The following SOX8 variants were observed in gnomAD, a reference collection of about 807,000 sequenced individuals.
The protein encoded by SOX8 is SRY-box transcription factor 8.
A neutral mutation model predicts 22.9 loss-of-function variants in SOX8; 9 were observed. That is an observed-to-expected ratio of 0.39 (90% CI 0.24 to 0.69). The LOEUF is 0.69. SOX8 is among the 30% of genes least tolerant of loss of function. The pLI, the probability that SOX8 is intolerant of heterozygous loss-of-function variation, is 0.43. For missense variants in SOX8, 734 were observed against 699.4 expected, an observed-to-expected ratio of 1.05 and a Z score of -0.56; for synonymous variants, 416 against 330.6, an observed-to-expected ratio of 1.26 and a Z score of -2.80.
At chr16:983,355 T>TC (rs1407489868) in intron 1 of SOX8, 1 of 173,736 alleles carries the variant, frequency 5.8e-6, no homozygotes, top group African/African-American at 2.4e-5. Context: ...CCGGCACCGT[T>TC]CCCGGGAAGC....
intron 1 of SOX8, 91 bp from the exon 2 acceptor site, chr16:983,637 G>A (rs2151521399): frequency 3.2e-6 from 4 of 1,243,560 alleles, no homozygotes; most frequent in African/African-American, 3.0e-5. Flanking sequence ...TCCTGGCCCC[G>A]GCCTCTGCTG....
At position 986,831 on chromosome 16, in the gene SOX8, C is replaced by T. The variant is rs568175813; in HGVS notation, c.*1445C>T. On this transcript the variant is annotated 3_prime_UTR_variant, in exon 3 of 3. Transcript: ENST00000293894. ...GGTGGGGGTGGGGGCCGGGAGCCGT[C>T]GCAGACCCGTTTCATGCAGCGTCTC... The T allele has an allele frequency of 2.0e-5, 3 of 152,434 alleles. No homozygotes were observed. Among genetic ancestry groups the T allele is most frequent in the East Asian group, 1.9e-4 (1 of 5,184 alleles). The allele number at this position is 152,434 out of a possible 1,614,324, so 9.4% of individuals were successfully genotyped here.
chr16:981,858 A>T lies in SOX8; in HGVS notation c.-65A>T. 1 of 1,020,900 alleles carries T rather than the reference A, an allele frequency of 9.8e-7. No individual in the cohort carries two copies. Among genetic ancestry groups the T allele is most frequent in the Middle Eastern group, 4.2e-4 (1 of 2,394 alleles). The allele number at this position is 1,020,900 out of a possible 1,614,324, so 63.2% of individuals were successfully genotyped here. On this transcript the variant is annotated 5_prime_UTR_variant, in exon 1 of 3. Coordinates refer to ENST00000293894, the MANE Select transcript of SOX8 (RefSeq NM_014587.5). ...CGACCTCGGGTCCCGGAGCGACCGC[A>T]GGGCAGCCCCGGGCGCCGGCCCCGG...
In SOX8 at chr16:981,865, C is replaced by T. The variant is rs1366275520; in HGVS notation, c.-58C>T. Reference sequence around the variant, plus strand: ...GGGTCCCGGAGCGACCGCAGGGCAGCCCCGGGCGCCGGCCCCGGTGCGCGT... The same window carrying T: ...GGGTCCCGGAGCGACCGCAGGGCAGTCCCGGGCGCCGGCCCCGGTGCGCGT... On this transcript the variant is annotated 5_prime_UTR_variant, in exon 1 of 3. Transcript: ENST00000293894. 7.4e-6 allele frequency: 8 copies of T among 1,080,586 alleles called. No individual in the cohort carries two copies. The African/African-American group carries it at 1.0e-4, about 14-fold the overall frequency. The allele number at this position is 1,080,586 out of a possible 1,614,324, so 66.9% of individuals were successfully genotyped here.
chr16:982,585 C>T lies in SOX8; in HGVS notation c.422+241C>T, dbSNP rs375591760. ...GGAGGGCAGCGCCTGGGGTGTGCAC[C>T]CTCGTGGCGGGTGCGCTCTGGAGCC... is the stretch of plus-strand genomic sequence containing the variant. On this transcript the variant is annotated intron_variant, in intron 1 of 2. Coordinates refer to ENST00000293894, the MANE Select transcript of SOX8 (RefSeq NM_014587.5). The T allele has an allele frequency of 3.4e-4, 137 of 402,294 alleles. 2 individuals carry two copies. The East Asian group carries it at 4.5e-3, about 13-fold the overall frequency. The allele number at this position is 402,294 out of a possible 1,614,324, so 24.9% of individuals were successfully genotyped here. A position where few individuals can be genotyped will look rare whatever the true frequency, so the allele number is the denominator to read the frequency against.
In SOX8 at chr16:983,899, C is replaced by T. The variant is rs368399655; in HGVS notation, c.594C>T (p.Gly198=). 239 of 1,602,720 alleles carry T rather than the reference C, an allele frequency of 1.5e-4. No individual in the cohort carries two copies. The highest frequency in any genetic ancestry group is 2.0e-4 in the Non-Finnish European group (232 of 1,174,912). Residue 198 remains glycine (G), a synonymous_variant, in exon 2 of 3, where the codon GGC becomes GGT. Coordinates refer to ENST00000293894, the MANE Select transcript of SOX8 (RefSeq NM_014587.5). ...SGAELGPHPG[G]GAVYKAEAGL... is the part of the protein sequence containing the mutation. ...CGGAGCTGGGACCCCACCCTGGCGGCGGTGCCGTGTACAAGGCTGAAGCAG... is the reference window on the plus strand; with the variant it reads ...CGGAGCTGGGACCCCACCCTGGCGGTGGTGCCGTGTACAAGGCTGAAGCAG...
chr16:982,267 G>C lies in SOX8; in HGVS notation c.345G>C (p.Ala115=). 6.6e-7 allele frequency: 1 copy of C among 1,525,732 alleles called. No homozygotes were observed. Among genetic ancestry groups the C allele is most frequent in the Non-Finnish European group, 8.8e-7 (1 of 1,138,574 alleles). 94.5% of individuals were successfully genotyped at this position (1,525,732 alleles called of 1,614,324 possible). A position where few individuals can be genotyped will look rare whatever the true frequency, so the allele number is the denominator to read the frequency against. The change falls in exon 1 of 3, where the codon GCG becomes GCC. Residue 115 remains alanine, a synonymous_variant. Coordinates refer to ENST00000293894, the MANE Select transcript of SOX8 (RefSeq NM_014587.5). The stretch of plus-strand genomic sequence containing the variant: ...ACGCATTCATGGTGTGGGCGCAGGC[G>C]GCGCGCCGCAAGCTGGCCGACCAGT... ...PMNAFMVWAQ[A]ARRKLADQYP... is the part of the protein sequence containing the mutation.
In SOX8 at chr16:985,107, C is replaced by G. The variant is rs762564647; in HGVS notation, c.1062C>G (p.Gly354=). 2.4e-5 allele frequency: 39 copies of G among 1,593,954 alleles called. No homozygotes were observed. Among genetic ancestry groups the G allele is most frequent in the African/African-American group, 2.3e-4 (17 of 74,646 alleles). The change falls in exon 3 of 3, where the codon GGC becomes GGG. Residue 354 remains glycine (G), a synonymous_variant. Coordinates refer to ENST00000293894, the MANE Select transcript of SOX8 (RefSeq NM_014587.5). ...SPGHYGDQPR[G]SPDYGSCSGQ... ...GCCACTACGGCGACCAGCCCCGAGG[C>G]TCGCCCGACTACGGTTCCTGCAGCG...
At position 981,931 on chromosome 16, in the gene SOX8, C is replaced by A; in HGVS notation, c.9C>A (p.Asp3Glu). 2 of 1,370,746 alleles carry A rather than the reference C, an allele frequency of 1.5e-6. No individual in the cohort carries two copies. Among genetic ancestry groups the A allele is most frequent in the South Asian group, 1.5e-5 (1 of 64,862 alleles). 84.9% of individuals were successfully genotyped at this position (1,370,746 alleles called of 1,614,324 possible). ...CTCCGCGCGCGGCCCCGATGCTGGACATGAGCGAGGCCCGCTCCCAGCCGC... is the reference window on the plus strand; with the variant it reads ...CTCCGCGCGCGGCCCCGATGCTGGAAATGAGCGAGGCCCGCTCCCAGCCGC... MLDMSEARSQPPC... is the reference protein window; with the variant it reads MLEMSEARSQPPC... The change falls in exon 1 of 3, where the codon GAC becomes GAA. Residue 3 changes from aspartate (D) to glutamate (E), a missense_variant. This residue lies in a region of SOX8 where 139 missense variants were observed against 109.1 expected (regional missense o/e 1.27). Transcript: ENST00000293894.
chr16:985,032 C>G lies in SOX8; in HGVS notation c.987C>G (p.Thr329=). Residue 329 remains threonine (T), a synonymous_variant, in exon 3 of 3, where the codon ACC becomes ACG. Coordinates refer to ENST00000293894, the MANE Select transcript of SOX8 (RefSeq NM_014587.5). ...KSAPSASASP[T]ETGPPRPHIK... ...CCCCGTCGGCCTCCGCGTCGCCCAC[C>G]GAGACGGGTCCCCCACGGCCGCACA... 6.3e-7 allele frequency: 1 copy of G among 1,575,276 alleles called. No homozygotes were observed. Among genetic ancestry groups the G allele is most frequent in the South Asian group, 1.1e-5 (1 of 88,386 alleles).
In SOX8 at chr16:986,338, TG is replaced by T. The variant is rs1040994859; in HGVS notation, c.*956del. 6.6e-6 allele frequency: 1 copy of T among 152,306 alleles called. No individual in the cohort carries two copies. The highest frequency in any genetic ancestry group is 2.4e-5 in the African/African-American group (1 of 41,468). 9.4% of individuals were successfully genotyped at this position (152,306 alleles called of 1,614,324 possible). A position where few individuals can be genotyped will look rare whatever the true frequency, so the allele number is the denominator to read the frequency against. ...TGCCTTGTGACATCTCTGATCAGGT[TG>T]GGGTGCCCCAGCACCCAGTACCAGT... On this transcript the variant is annotated 3_prime_UTR_variant, in exon 3 of 3. Transcript: ENST00000293894.
chr16:984,023 G>A, intron 2 of SOX8, 63 bp downstream of exon 2: 1 of 1,352,522 alleles, frequency 7.4e-7, no homozygotes. Context: ...TGGGGTTTCT[G>A]GCTGAGAAGG....
chr16:984,652 GC>G, intron 2 of SOX8, 48 bp from the exon 3 acceptor site: 1 of 1,109,584 alleles, frequency 9.0e-7, no homozygotes, highest in Non-Finnish European at 1.2e-6. Flanking sequence ...GGCCCCACCC[GC>G]CCCACAGAAG....
In SOX8 at chr16:982,357, GC is replaced by G; in HGVS notation, c.422+17del. On this transcript the variant is annotated intron_variant, in intron 1 of 2. Transcript: ENST00000293894. ...GCAAGCTGTGGCGGTGAGTGCCGGCGCCCCGGGGGCGGGGTTCGGGACCTTG... is the reference window on the plus strand; with the variant it reads ...GCAAGCTGTGGCGGTGAGTGCCGGCGCCCGGGGGCGGGGTTCGGGACCTTG... 1 of 1,342,206 alleles carries G rather than the reference GC, an allele frequency of 7.5e-7. No homozygotes were observed. The highest frequency in any genetic ancestry group is 9.6e-7 in the Non-Finnish European group (1 of 1,042,418). The allele number at this position is 1,342,206 out of a possible 1,614,324, so 83.1% of individuals were successfully genotyped here. A position where few individuals can be genotyped will look rare whatever the true frequency, so the allele number is the denominator to read the frequency against.
At position 984,870 on chromosome 16, in the gene SOX8, C is replaced by T. The variant is rs763290335; in HGVS notation, c.825C>T (p.Gly275=). ...CGGAGCTCAGCAGCGAGGTCATGGG[C>T]ACCATGGACGCCTTCGACGTCCACG... is the stretch of plus-strand genomic sequence containing the variant. ...DISELSSEVM[G]TMDAFDVHEF... Residue 275 remains glycine, a synonymous_variant, in exon 3 of 3, where the codon GGC becomes GGT. Transcript: ENST00000293894. The T allele has an allele frequency of 1.5e-5, 24 of 1,611,924 alleles. No homozygotes were observed. Among genetic ancestry groups the T allele is most frequent in the Admixed American group, 1.0e-4 (6 of 59,968 alleles).
rs201359112 is a variant in SOX8 at position 984,833 on chromosome 16, A to T, written c.788A>T (p.Asn263Ile). 2.1e-4 allele frequency: 332 copies of T among 1,612,084 alleles called. 1 individual carries two copies. The highest frequency in any genetic ancestry group is 2.7e-4 in the Non-Finnish European group (318 of 1,179,582). ...GGGCGCCAGAACATCGACTTCAGCA[A>T]CGTGGACATCTCGGAGCTCAGCAGC... Reference protein sequence around the residue: ...DSGRQNIDFSNVDISELSSEV... With the variant: ...DSGRQNIDFSIVDISELSSEV... Residue 263 changes from asparagine to isoleucine, a missense_variant, in exon 3 of 3, where the codon AAC becomes ATC. Transcript: ENST00000293894.
Position 985,274 on chromosome 16 carries a change from C to T in SOX8, c.1229C>T (p.Ser410Leu), listed in dbSNP as rs1246443710. Residue 410 changes from serine to leucine, a missense_variant, in exon 3 of 3, where the codon TCG (serine) becomes TTG (leucine). Ser to Leu is a moderately radical substitution (Grantham distance 145). Around this residue, in one of 3 missense-constraint regions of SOX8, gnomAD observed 588 missense variants for 568.2 expected, o/e 1.03. Coordinates refer to ENST00000293894, the MANE Select transcript of SOX8 (RefSeq NM_014587.5). ...PGLYQYPCFH[S>L]PRRPYASPLL... The stretch of plus-strand genomic sequence containing the variant: ...CTCTACCAGTACCCCTGCTTCCACT[C>T]GCCGCGCCGGCCCTACGCCTCACCC... 2.1e-5 allele frequency: 34 copies of T among 1,611,594 alleles called. No homozygotes were observed. Among genetic ancestry groups the T allele is most frequent in the Non-Finnish European group, 2.5e-5 (30 of 1,179,602 alleles).
Position 984,987 on chromosome 16 carries a change from C to T in SOX8, c.942C>T (p.Pro314=), listed in dbSNP as rs376617151. The T allele has an allele frequency of 1.2e-5, 19 of 1,585,696 alleles. No individual in the cohort carries two copies. Among genetic ancestry groups the T allele is most frequent in the Middle Eastern group, 1.7e-4 (1 of 5,776 alleles). The change falls in exon 3 of 3, where the codon CCC becomes CCT. Residue 314 remains proline (P), a synonymous_variant. Coordinates refer to ENST00000293894, the MANE Select transcript of SOX8 (RefSeq NM_014587.5). ...GGAYFHAGAS[P]VWAHKSAPSA... ...CCTACTTCCACGCCGGGGCGTCCCC[C>T]GTGTGGGCCCACAAGAGTGCCCCGT... is the stretch of plus-strand genomic sequence containing the variant.
rs777325234 is a variant in SOX8 at position 985,308 on chromosome 16, C to T, written c.1263C>T (p.Asn421=). The change falls in exon 3 of 3, where the codon AAC becomes AAT. Residue 421 remains asparagine, a synonymous_variant. Coordinates refer to ENST00000293894, the MANE Select transcript of SOX8 (RefSeq NM_014587.5). The stretch of plus-strand genomic sequence containing the variant: ...GGCCCTACGCCTCACCCCTGCTCAA[C>T]GGCCTGGCCCTGCCGCCCGCCCACA... The part of the protein sequence containing the change: ...PRRPYASPLL[N]GLALPPAHSP... 1.4e-5 allele frequency: 22 copies of T among 1,606,768 alleles called. No homozygotes were observed. The highest frequency in any genetic ancestry group is 1.7e-5 in the Non-Finnish European group (20 of 1,178,856).
Sources: gnomAD v4.1 joint callset for allele counts on GRCh38, gnomAD v4.1.1 for gene constraint, gnomAD v4.1.1 regional missense constraint, MANE v1.5 for transcripts, NCBI Gene and HGNC (gene_info 2026-07-23, HGNC 2026-07-21) for gene names.